The following PREP variants were observed in gnomAD, a reference collection of about 807,000 sequenced individuals.
PREP encodes the protein prolyl endopeptidase, also known as dJ355L5.1 (prolyl endopeptidase).
Under a neutral mutation model 87.6 loss-of-function variants are expected in PREP, and 29 were observed. That is an observed-to-expected ratio of 0.33 (90% CI 0.25 to 0.45). The LOEUF (loss-of-function observed/expected upper bound fraction) is 0.45, where lower values mean the gene tolerates loss of function less well. PREP is among the 20% of genes least tolerant of loss of function. The pLI is 1.00. For synonymous variants in PREP, 337 were observed against 328.6 expected, an observed-to-expected ratio of 1.03 and a Z score of -0.28; for missense variants, 695 against 886.5, an observed-to-expected ratio of 0.78 and a Z score of 2.74.
chr6:105,371,726 G>A (rs1444601667), intron 5 of PREP, among the ~76,000 whole-genome samples: 1 of 151,880 alleles, frequency 6.6e-6, no homozygotes, highest in African/African-American at 2.4e-5. Context: ...GAGCTTTCAG[G>A]GACACTGGTA....
chr6:105,373,864 T>A (rs1013884825), intron 4 of PREP, among the ~76,000 whole-genome samples: 2 of 152,236 alleles, frequency 1.3e-5, no homozygotes, highest in African/African-American at 4.8e-5. Flanking sequence ...ATTTTTATAA[T>A]GCAATAGGCA....
chr6:105,317,255 G>A (rs1376911869), intron 10 of PREP, among the ~76,000 whole-genome samples: 1 of 151,958 alleles, frequency 6.6e-6, no homozygotes, highest in East Asian at 1.9e-4. Context: ...ACTGTGCCTG[G>A]CTAACATGTT....
At chr6:105,338,526 T>G (rs1173626704) in intron 7 of PREP, among the ~76,000 whole-genome samples, 1 of 152,192 alleles carries the variant, frequency 6.6e-6, no homozygotes, top group East Asian at 1.9e-4. Flanking sequence ...TACCGGTTCA[T>G]CTCACTGGGG....
rs117179442 is a variant in PREP at position 105,384,252 on chromosome 6, A to G, written c.121-6733T>C. 3.1e-3 allele frequency among the ~76,000 whole-genome samples: 473 copies of G among 152,202 alleles called. 20 individuals carry two copies. The East Asian group carries it at 0.079, about 25-fold the overall frequency. On this transcript the variant is annotated intron_variant, in intron 2 of 14. Transcript: ENST00000652536. ...GGCATGACTCACCCATCAGGGAGCC[A>G]GCCTCTTCCAGTCCTGCACTACTGA...
At chr6:105,280,035 T>C (rs1583032207) in intron 14 of PREP, among the ~76,000 whole-genome samples, 1 of 152,208 alleles carries the variant, frequency 6.6e-6, no homozygotes, top group South Asian at 2.1e-4. Context: ...CCTTAGAGAA[T>C]AGAGTTTAGT....
intron 4 of PREP, among the ~76,000 whole-genome samples, chr6:105,374,546 T>C (rs1374950052): frequency 2.0e-5 from 3 of 151,006 alleles, no homozygotes; most frequent in African/African-American, 7.3e-5. Flanking sequence ...CATATGTATG[T>C]AAATGCAGAA....
At chr6:105,375,107 G>C (rs560512781) in intron 4 of PREP, among the ~76,000 whole-genome samples, 1 of 152,140 alleles carries the variant, frequency 6.6e-6, no homozygotes, top group South Asian at 2.1e-4. Flanking sequence ...TCTTATTTTC[G>C]ATACTGGTTC....
intron 2 of PREP, among the ~76,000 whole-genome samples, chr6:105,397,371 C>T (rs566427492): frequency 1.7e-4 from 26 of 152,184 alleles, no homozygotes; most frequent in African/African-American, 5.1e-4. Flanking sequence ...AATGCTCCCC[C>T]CTGCCCCTTC....
intron 10 of PREP, among the ~76,000 whole-genome samples, chr6:105,300,865 GAAGTA>G (rs1308714551): frequency 2.6e-5 from 4 of 152,178 alleles, no homozygotes; most frequent in Non-Finnish European, 5.9e-5. Context: ...AGAAAAAAGA[GAAGTA>G]AATATGACAA....
intron 7 of PREP, among the ~76,000 whole-genome samples, chr6:105,352,665 T>G (rs1771991353): frequency 6.6e-6 from 1 of 152,190 alleles, no homozygotes; most frequent in African/African-American, 2.4e-5. Context: ...CCATTAAATC[T>G]AAATAGTTAC....
chr6:105,398,350 A>G (rs1031177170), intron 1 of PREP, among the ~76,000 whole-genome samples: 1 of 152,204 alleles, frequency 6.6e-6, no homozygotes, highest in African/African-American at 2.4e-5. Flanking sequence ...TGTTCCGCTG[A>G]GCTTCCCAAT....
intron 2 of PREP, among the ~76,000 whole-genome samples, chr6:105,387,607 TAAAAAAAA>T (rs564808829): frequency 6.4e-5 from 6 of 94,374 alleles, no homozygotes; most frequent in East Asian, 3.2e-4. Flanking sequence ...GCTGATGAGC[TAAAAAAAA>T]AAAAAGAAAA....
In PREP at chr6:105,376,284, CTGTGGAGTTTTCTATT is replaced by C. The variant is rs780113770; in HGVS notation, c.255-45_255-30del. On this transcript the variant is annotated intron_variant, in intron 3 of 14. Coordinates refer to ENST00000652536, the MANE Select transcript of PREP (RefSeq NM_002726.5). Reference sequence around the variant, plus strand: ...GGGAACAGAGATGGTCTTTATTCAGCTGTGGAGTTTTCTATTTGTGGAGTAAAACCAAACACACACA... The same window carrying C: ...GGGAACAGAGATGGTCTTTATTCAGCTGTGGAGTAAAACCAAACACACACA... 3.8e-6 allele frequency: 6 copies of C among 1,598,204 alleles called. No individual in the cohort carries two copies. In the East Asian group the frequency reaches 1.3e-4, roughly 36 times the overall value.
intron 2 of PREP, among the ~76,000 whole-genome samples, 174 bp from the exon 3 acceptor site, chr6:105,377,693 C>A (rs556942751): frequency 6.6e-6 from 1 of 152,208 alleles, no homozygotes; most frequent in South Asian, 2.1e-4. Flanking sequence ...CCAGCTCCTG[C>A]CAAGTGACTG....
In PREP at chr6:105,295,681, G is replaced by A. The variant is rs114912127; in HGVS notation, c.1318-6787C>T. ...CATTTTCATGATTGCATAGAGACAC[G>A]CCTATTTATATGTTCAAATACACAT... is the stretch of plus-strand genomic sequence containing the variant. On this transcript the variant is annotated intron_variant, in intron 10 of 14. Transcript: ENST00000652536. 9.5e-3 allele frequency among the ~76,000 whole-genome samples: 1,441 copies of A among 152,164 alleles called. 24 individuals carry two copies. The highest frequency in any genetic ancestry group is 0.033 in the African/African-American group (1,390 of 41,516).
Position 105,373,479 on chromosome 6 carries a change from T to C in PREP, c.485A>G (p.Lys162Arg), listed in dbSNP as rs1258832235. The change falls in exon 5 of 15, where the codon AAA (lysine) becomes AGA (arginine). Residue 162 changes from lysine (K) to arginine (R), a missense_variant. Lys to Arg is a conservative substitution (Grantham distance 26). Around this residue, in one of 5 missense-constraint regions of PREP, gnomAD observed 517 missense variants for 620.3 expected, o/e 0.83. Transcript: ENST00000652536. ...TIKFMKVDGA[K>R]ELPDVLERVK... The stretch of plus-strand genomic sequence containing the variant: ...TCTTTCAAGCACATCTGGAAGCTCT[T>C]TGGCACCATCAACTTTCATGAACTT... 5.0e-6 allele frequency: 8 copies of C among 1,614,124 alleles called. No homozygotes were observed. Among genetic ancestry groups the C allele is most frequent in the Admixed American group, 1.7e-5 (1 of 60,010 alleles).
intron 7 of PREP, among the ~76,000 whole-genome samples, chr6:105,350,113 CTTTT>C (rs1016171834): frequency 6.6e-6 from 1 of 151,692 alleles, no homozygotes; most frequent in Admixed American, 6.6e-5. Context: ...TGCAGATAGA[CTTTT>C]TTTTGTTTTG....
intron 6 of PREP, among the ~76,000 whole-genome samples, chr6:105,353,701 G>A (rs948212164): frequency 6.7e-6 from 1 of 148,968 alleles, no homozygotes; most frequent in African/African-American, 2.5e-5. Context: ...GAACCCAGGA[G>A]ACGGAGGTTG....
chr6:105,365,065 G>A (rs1772351828), intron 6 of PREP, among the ~76,000 whole-genome samples: 1 of 152,104 alleles, frequency 6.6e-6, no homozygotes, highest in Non-Finnish European at 1.5e-5. Flanking sequence ...TGGCCAACAT[G>A]GTAAAATCCT....
Sources: gnomAD v4.1 joint callset for allele counts (sites outside exome capture counted in the v4.1 genomes callset) on GRCh38, gnomAD v4.1.1 for gene constraint, gnomAD v4.1.1 regional missense constraint, MANE v1.5 for transcripts, NCBI Gene and HGNC (gene_info 2026-07-23, HGNC 2026-07-21) for gene names.